PKNOX2: variants seen among roughly 807,000 people sequenced by gnomAD.
PKNOX2 encodes the protein PBX/knotted 1 homeobox 2, also known as homeobox protein PKNOX2.
A neutral mutation model predicts 53.1 loss-of-function variants in PKNOX2; 14 were observed. The ratio of observed to expected loss-of-function variants is 0.26; its 90% confidence interval spans 0.17 to 0.41. The LOEUF is 0.41. Ranked by LOEUF, PKNOX2 falls within the 10% of genes least tolerant of loss-of-function variation. The probability of loss-of-function intolerance (pLI) is 1.00; values close to 1 mark genes in which losing one functional copy is unlikely to be tolerated. For synonymous variants in PKNOX2, 257 were observed against 242.8 expected (o/e 1.06, Z -0.54); for missense variants, 496 against 602.8 (o/e 0.82, Z 1.85).
At chr11:125,312,756 A>G (rs1948895742) in intron 2 of PKNOX2, among the ~76,000 whole-genome samples, 1 of 152,144 alleles carries the variant, frequency 6.6e-6, no homozygotes, top group Non-Finnish European at 1.5e-5. Context: ...GCAGCACCAT[A>G]CAGGTGTGCT....
intron 1 of PKNOX2, among the ~76,000 whole-genome samples, chr11:125,178,233 G>A (rs190718857): frequency 2.0e-5 from 3 of 152,168 alleles, no homozygotes; most frequent in Admixed American, 6.5e-5. Context: ...AACTGCCCAG[G>A]GCACGTGGTG....
At position 125,165,771 on chromosome 11, in the gene PKNOX2, C is replaced by T. The variant is rs893507722; in HGVS notation, c.-201+995C>T. ...TTGGGAATCGGGAGCCCTTCTGGCT[C>T]GAGAACTAGGGGATGAGTTCGTAAA... On this transcript the variant is annotated intron_variant, in intron 1 of 12. Coordinates refer to ENST00000298282, the MANE Select transcript of PKNOX2 (RefSeq NM_001382323.2). The surrounding 1 kb of genome is among the most constrained non-coding windows in gnomAD (Gnocchi z 4.5). 6.6e-6 allele frequency among the ~76,000 whole-genome samples: 1 copy of T among 152,150 alleles called. No homozygotes were observed. Among genetic ancestry groups the T allele is most frequent in the Non-Finnish European group, 1.5e-5 (1 of 68,036 alleles).
rs57996089 is a variant in PKNOX2 at position 125,367,890 on chromosome 11, C to T, written c.132C>T (p.His44=). Residue 44 remains histidine, a synonymous_variant, in exon 5 of 13, where the codon CAC becomes CAT. Coordinates refer to ENST00000298282, the MANE Select transcript of PKNOX2 (RefSeq NM_001382323.2). ...AQPPSKAQAV[H]ISAPSAAAST... is the part of the protein sequence containing the mutation. ...CACCCTCCAAGGCCCAGGCTGTCCACATCTCTGCCCCCTCAGCTGCTGCCA... is the reference window on the plus strand; with the variant it reads ...CACCCTCCAAGGCCCAGGCTGTCCATATCTCTGCCCCCTCAGCTGCTGCCA... 8.7e-6 allele frequency: 14 copies of T among 1,613,658 alleles called. No individual in the cohort carries two copies. The highest frequency in any genetic ancestry group is 6.7e-5 in the East Asian group (3 of 44,858).
intron 10 of PKNOX2, among the ~76,000 whole-genome samples, chr11:125,428,057 T>C (rs1010261223): frequency 3.9e-5 from 6 of 152,164 alleles, no homozygotes; most frequent in Admixed American, 3.3e-4. Flanking sequence ...AACCACAGCA[T>C]TGAGTGCTGT....
intron 2 of PKNOX2, among the ~76,000 whole-genome samples, chr11:125,322,816 G>A (rs1949601642): frequency 6.6e-6 from 1 of 152,210 alleles, no homozygotes; most frequent in South Asian, 2.1e-4. Context: ...AGCCGAGACA[G>A]TTAAGTCTCA....
At chr11:125,342,820 C>A (rs1950767753) in intron 3 of PKNOX2, among the ~76,000 whole-genome samples, 1 of 151,660 alleles carries the variant, frequency 6.6e-6, no homozygotes, top group South Asian at 2.1e-4. Context: ...TCCACCCTAG[C>A]CACCACCGTG....
chr11:125,360,782 A>T (rs1358477673), intron 4 of PKNOX2, among the ~76,000 whole-genome samples: 1 of 152,250 alleles, frequency 6.6e-6, no homozygotes. Context: ...TATGCTGAAT[A>T]GCTACTGAGG....
At chr11:125,191,119 A>G (rs1308439021) in intron 1 of PKNOX2, 1 of 152,190 alleles carries the variant, frequency 6.6e-6, no homozygotes, top group Non-Finnish European at 1.5e-5. Flanking sequence ...GAGTCTTGGG[A>G]CTGGAAAGAT....
chr11:125,267,698 C>CTG (rs369837367), intron 2 of PKNOX2, among the ~76,000 whole-genome samples: 8 of 151,944 alleles, frequency 5.3e-5, no homozygotes, highest in Admixed American at 3.9e-4. Flanking sequence ...TGGAGGAAGC[C>CTG]TGTGTGTGTG....
intron 2 of PKNOX2, among the ~76,000 whole-genome samples, chr11:125,257,992 C>T (rs560691134): frequency 6.6e-6 from 1 of 152,298 alleles, no homozygotes; most frequent in East Asian, 1.9e-4. Context: ...CCTGAGCTTG[C>T]AGAAAGAATT....
chr11:125,208,784 CAG>C (rs5795448), intron 1 of PKNOX2, among the ~76,000 whole-genome samples: 72,854 of 151,466 alleles, frequency 0.48, 18,325 homozygotes, highest in African/African-American at 0.57. Context: ...GTACCATTAA[CAG>C]AAATAGTAAA....
chr11:125,396,517 C>T (rs1394626425), intron 6 of PKNOX2, among the ~76,000 whole-genome samples: 4 of 149,648 alleles, frequency 2.7e-5, no homozygotes, highest in East Asian at 1.9e-4. Flanking sequence ...TCCACAAGAA[C>T]GTTCATAGCT....
intron 7 of PKNOX2, among the ~76,000 whole-genome samples, chr11:125,401,621 A>AGGTAGG (rs1423515377): frequency 6.6e-6 from 1 of 152,116 alleles, no homozygotes; most frequent in African/African-American, 2.4e-5. Flanking sequence ...TATTGCACTA[A>AGGTAGG]GGTAGGGGCC....
At chr11:125,430,770 C>G (rs1166424906) in intron 12 of PKNOX2, among the ~76,000 whole-genome samples, 1 of 127,606 alleles carries the variant, frequency 7.8e-6, no homozygotes, top group Admixed American at 8.1e-5. Flanking sequence ...AAAAAAAAAA[C>G]AGATTTAGGG....
At chr11:125,382,532 G>A (rs767742651) in intron 5 of PKNOX2, among the ~76,000 whole-genome samples, 1 of 152,184 alleles carries the variant, frequency 6.6e-6, no homozygotes, top group East Asian at 1.9e-4. Context: ...TGATCTAGTG[G>A]CTGTTTAAAT....
intron 1 of PKNOX2, chr11:125,188,185 A>C (rs1956569313): frequency 6.6e-6 from 1 of 152,212 alleles, no homozygotes; most frequent in South Asian, 2.1e-4. Flanking sequence ...AGTTAGGTGT[A>C]TGTGGTAAGT....
At chr11:125,222,755 GTGTA>G (rs1941328345) in intron 1 of PKNOX2, among the ~76,000 whole-genome samples, 2 of 150,222 alleles carry the variant, frequency 1.3e-5, no homozygotes, top group South Asian at 2.1e-4. Context: ...CTGTGTGCCT[GTGTA>G]TGTGTGTATG....
chr11:125,194,801 C>CA (rs773558300), intron 1 of PKNOX2, among the ~76,000 whole-genome samples: 31 of 152,202 alleles, frequency 2.0e-4, no homozygotes, highest in Non-Finnish European at 4.0e-4. Flanking sequence ...GTCCATTGAG[C>CA]ACCTACTATA....
chr11:125,215,373 T>C (rs910522865), intron 1 of PKNOX2, among the ~76,000 whole-genome samples: 1 of 152,050 alleles, frequency 6.6e-6, no homozygotes, highest in Non-Finnish European at 1.5e-5. Flanking sequence ...GATCCCTTCG[T>C]GCCTTACTTT....
Sources: allele counts gnomAD v4.1 joint callset (sites outside exome capture counted in the v4.1 genomes callset), GRCh38; gene constraint gnomAD v4.1.1; non-coding constraint Gnocchi (gnomAD v3.1); transcripts MANE v1.5; gene names NCBI Gene and HGNC (gene_info 2026-07-23, HGNC 2026-07-21).